Variants in DPP6 observed in about 807,000 individuals in gnomAD.
DPP6 encodes the protein dipeptidyl peptidase like 6.
DPP6 carries 69 observed loss-of-function variants against 122.6 expected under a neutral mutation model. The observed-to-expected ratio is 0.56, with a 90% CI of 0.46 to 0.69. DPP6 has a LOEUF of 0.69. Ranked by LOEUF, DPP6 falls within the 30% of genes least tolerant of loss-of-function variation. The pLI is 0.00. For missense variants in DPP6, 928 were observed against 1,116.9 expected, an observed-to-expected ratio of 0.83 and a Z score of 2.41; for synonymous variants, 418 against 433.1, an observed-to-expected ratio of 0.97 and a Z score of 0.43.
chr7:154,474,078 A>G (rs1181931999), intron 2 of DPP6, among the ~76,000 whole-genome samples: 1 of 152,232 alleles, frequency 6.6e-6, no homozygotes, highest in Non-Finnish European at 1.5e-5. Context: ...GTATCACAGA[A>G]GTGAAGGTGG....
chr7:154,374,379 T>A (rs1479027657), intron 1 of DPP6, among the ~76,000 whole-genome samples: 2 of 152,206 alleles, frequency 1.3e-5, no homozygotes, highest in Non-Finnish European at 2.9e-5. Context: ...TCACTGTCAC[T>A]GTTGCACGTG....
intron 5 of DPP6, among the ~76,000 whole-genome samples, chr7:154,592,368 C>T (rs1391406057): frequency 6.6e-6 from 1 of 152,226 alleles, no homozygotes; most frequent in African/African-American, 2.4e-5. Flanking sequence ...CCTTTTGATT[C>T]CCTCCTGCCA....
In DPP6 at chr7:154,649,067, C is replaced by T. The variant is rs1343410722; in HGVS notation, c.680+11194C>T. ...CTCCATACCCCTCCACCCAGGCGAGCGCTGCCATGCCATCTATCCCACACT... is the reference window on the plus strand; with the variant it reads ...CTCCATACCCCTCCACCCAGGCGAGTGCTGCCATGCCATCTATCCCACACT... On this transcript the variant is annotated intron_variant, in intron 6 of 25. Transcript: ENST00000377770. Among the ~76,000 whole-genome samples, 10 of 152,278 alleles carry T rather than the reference C, an allele frequency of 6.6e-5. No individual in the cohort carries two copies. In the East Asian group the frequency reaches 7.7e-4, roughly 12 times the overall value.
intron 5 of DPP6, among the ~76,000 whole-genome samples, chr7:154,622,843 G>C (rs1471499125): frequency 1.3e-5 from 2 of 152,208 alleles, no homozygotes; most frequent in East Asian, 3.9e-4. Context: ...TTGCCTGTTA[G>C]ATTCCAGAAC....
chr7:154,853,654 T>G (rs1252322144), intron 16 of DPP6, 126 bp from the exon 17 acceptor site: 1 of 1,342,334 alleles, frequency 7.4e-7, no homozygotes, highest in East Asian at 2.4e-5. Flanking sequence ...TACTCTTGCA[T>G]GAATTCGGGT....
At chr7:154,704,660 C>T (rs370791108) in intron 7 of DPP6, among the ~76,000 whole-genome samples, 12 of 152,284 alleles carry the variant, frequency 7.9e-5, no homozygotes, top group Non-Finnish European at 1.2e-4. Context: ...GATGACTCAC[C>T]GAAGGCTTAG....
chr7:154,560,755 C>T (rs576489369), intron 4 of DPP6, among the ~76,000 whole-genome samples: 7 of 151,942 alleles, frequency 4.6e-5, no homozygotes, highest in South Asian at 2.1e-4. Context: ...TGATGGTGGG[C>T]GCCTGTTATC....
chr7:154,077,483 A>G (rs1244129730), intron 1 of DPP6, among the ~76,000 whole-genome samples: 2 of 152,038 alleles, frequency 1.3e-5, no homozygotes, highest in African/African-American at 4.8e-5. Context: ...GGGCACCTAC[A>G]CTTCTCACCG....
chr7:154,060,627 C>T (rs1189308169), intron 1 of DPP6, among the ~76,000 whole-genome samples: 1 of 147,892 alleles, frequency 6.8e-6, no homozygotes, highest in African/African-American at 2.5e-5. Context: ...CTGAGGACCC[C>T]CATCGCAGGA....
At chr7:154,509,420 C>T (rs1314807478) in intron 3 of DPP6, among the ~76,000 whole-genome samples, 1 of 152,042 alleles carries the variant, frequency 6.6e-6, no homozygotes, top group Non-Finnish European at 1.5e-5. Context: ...AAATCAAAAG[C>T]ACAATGAGAC....
intron 5 of DPP6, 30 bp downstream of exon 5, chr7:154,566,946 T>C (rs1449000158): frequency 1.0e-5 from 15 of 1,494,134 alleles, no homozygotes; most frequent in Non-Finnish European, 1.3e-5. Flanking sequence ...GCCTACAAAA[T>C]AATTGTTTCT....
At chr7:153,823,643 G>A in the DPP6 span, among the ~76,000 whole-genome samples, 2 of 150,308 alleles carry the variant, frequency 1.3e-5, no homozygotes, top group South Asian at 2.1e-4. Flanking sequence ...ACTCCCCGGG[G>A]ATCAGGGAAG....
chr7:153,753,557 TGAGGGTAGA>T, the DPP6 span, among the ~76,000 whole-genome samples: 1 of 151,772 alleles, frequency 6.6e-6, no homozygotes, highest in Non-Finnish European at 1.5e-5. Flanking sequence ...TCGTTTTGTC[TGAGGGTAGA>T]GATCAAAAGT....
At chr7:154,813,287 G>A (rs1402549725) in intron 16 of DPP6, among the ~76,000 whole-genome samples, 1 of 151,852 alleles carries the variant, frequency 6.6e-6, no homozygotes, top group Non-Finnish European at 1.5e-5. Flanking sequence ...TTTTCACTGT[G>A]TTAGCCAGGA....
intron 21 of DPP6, chr7:154,885,419 G>A (rs1806065567): frequency 5.0e-6 from 3 of 595,040 alleles, no homozygotes; most frequent in Non-Finnish European, 5.7e-6. Flanking sequence ...GCCCAGAAGC[G>A]GAGAAGGCGC....
At chr7:154,109,745 A>G (rs1290952852) in intron 1 of DPP6, among the ~76,000 whole-genome samples, 3 of 148,230 alleles carry the variant, frequency 2.0e-5, no homozygotes, top group Non-Finnish European at 3.0e-5. Flanking sequence ...TGAGTTGCAT[A>G]ATAGTCCATT....
intron 1 of DPP6, among the ~76,000 whole-genome samples, chr7:154,377,004 T>C (rs957962187): frequency 1.3e-5 from 2 of 152,190 alleles, no homozygotes; most frequent in East Asian, 1.9e-4. Context: ...CAAACACTTT[T>C]AGTGACAAAC....
At chr7:154,798,777 A>T (rs1385939852) in intron 12 of DPP6, among the ~76,000 whole-genome samples, 1 of 152,238 alleles carries the variant, frequency 6.6e-6, no homozygotes, top group Non-Finnish European at 1.5e-5. Flanking sequence ...ACAGTTTCTT[A>T]TGACATTGTT....
chr7:153,845,123 G>A, the DPP6 span, among the ~76,000 whole-genome samples: 10 of 152,264 alleles, frequency 6.6e-5, no homozygotes, highest in African/African-American at 2.4e-4. Context: ...ACAATGTATT[G>A]TGAATGATTT....
Sources: allele counts gnomAD v4.1 joint callset (sites outside exome capture counted in the v4.1 genomes callset), GRCh38; gene constraint gnomAD v4.1.1; transcripts MANE v1.5; gene names NCBI Gene and HGNC (gene_info 2026-07-23, HGNC 2026-07-21).